Variants in TRPM5 observed in about 807,000 individuals in gnomAD.
TRPM5 encodes the protein transient receptor potential cation channel subfamily M member 5.
TRPM5 carries 121 observed loss-of-function variants against 124.9 expected under a neutral mutation model. That is an observed-to-expected ratio of 0.97 (90% CI 0.84 to 1.13). The LOEUF is 1.13. Ranked by LOEUF, TRPM5 falls within the 50% of genes most tolerant of loss-of-function variation. TRPM5 has a pLI of 0.00. For missense variants in TRPM5, 1,643 were observed against 1,589.1 expected (o/e 1.03, Z -0.58); for synonymous variants, 781 against 700.5 (o/e 1.11, Z -1.81).
intron 16 of TRPM5, 80 bp from the exon 22 acceptor site, chr11:2,411,847 G>A: frequency 1.9e-6 from 3 of 1,559,944 alleles, no homozygotes; most frequent in Non-Finnish European, 2.6e-6. Flanking sequence ...CATGCTGGCT[G>A]CGGGCAGGGC....
intron 13 of TRPM5, 61 bp downstream of exon 18, chr11:2,413,415 C>A: frequency 6.7e-7 from 1 of 1,491,446 alleles, no homozygotes; most frequent in South Asian, 1.2e-5. Context: ...AGGCCCTCCC[C>A]GTAGCTCCGG....
exon 18 of TRPM5, chr11:2,411,371 G>A (rs1850447509): frequency 1.2e-6 from 2 of 1,606,478 alleles, no homozygotes; most frequent in Non-Finnish European, 8.5e-7. Context: ...CGTCCAGTGG[G>A]ATCTGGCCGA....
the TRPM5 span, among the ~76,000 whole-genome samples, chr11:2,430,633 TGAG>T: frequency 6.6e-6 from 1 of 151,682 alleles, no homozygotes; most frequent in African/African-American, 2.4e-5. Context: ...GTGGCAGTGA[TGAG>T]GGTGGTGGCA....
chr11:2,406,643 C>G lies in TRPM5; in HGVS notation c.3251+18G>C. 6.3e-7 allele frequency: 1 copy of G among 1,590,742 alleles called. No individual in the cohort carries two copies. Among genetic ancestry groups the G allele is most frequent in the Non-Finnish European group, 8.6e-7 (1 of 1,169,342 alleles). On this transcript the variant is annotated intron_variant, in intron 21 of 23. Transcript: ENST00000155858. ...AGACAGCCCGATACCCACCAGTGAT[C>G]AGGACAGGCCCCCGCACCTGTGGGC... is the stretch of plus-strand genomic sequence containing the variant.
At chr11:2,434,730 G>T in the TRPM5 span, among the ~76,000 whole-genome samples, 30 of 152,144 alleles carry the variant, frequency 2.0e-4, no homozygotes, top group African/African-American at 7.0e-4. Flanking sequence ...CTGTGTGTGT[G>T]TGTCTGTGGT....
At chr11:2,417,226 C>T (rs1048741287) in intron 7 of TRPM5, among the ~76,000 whole-genome samples, 23 of 152,284 alleles carry the variant, frequency 1.5e-4, no homozygotes, top group East Asian at 1.4e-3. Context: ...CCGAGGCAGG[C>T]GGATCACGAG....
upstream of TRPM5, among the ~76,000 whole-genome samples, chr11:2,423,761 C>T (rs1815221528): frequency 6.6e-6 from 1 of 152,218 alleles, no homozygotes; most frequent in South Asian, 2.1e-4. Context: ...TGTCTCCCAG[C>T]TGCCCGGTGA....
At chr11:2,415,163 T>A in exon 9 of TRPM5, 1 of 1,580,746 alleles carries the variant, frequency 6.3e-7, no homozygotes, top group Admixed American at 1.8e-5. Context: ...GGTAGAAGCC[T>A]CGGCAGGCGT....
chr11:2,408,761 C>T (rs989071624), intron 18 of TRPM5, among the ~76,000 whole-genome samples: 1 of 152,218 alleles, frequency 6.6e-6, no homozygotes, highest in African/African-American at 2.4e-5. Context: ...GCTCAGGGTC[C>T]CAGCCAGAGG....
At chr11:2,414,634 C>T (rs755867956) in intron 11 of TRPM5, 81 bp downstream of exon 16, 297 of 1,437,794 alleles carry the variant, frequency 2.1e-4, no homozygotes, top group Non-Finnish European at 2.2e-4. Flanking sequence ...GCAGCCCTGG[C>T]GAGGCCCAGG....
chr11:2,433,316 CAG>C, the TRPM5 span, among the ~76,000 whole-genome samples: 1 of 152,378 alleles, frequency 6.6e-6, no homozygotes, highest in South Asian at 2.1e-4. Context: ...CTGCTCCCCG[CAG>C]AGGGTGCTTG....
At chr11:2,429,914 TG>T in the TRPM5 span, among the ~76,000 whole-genome samples, 3 of 152,068 alleles carry the variant, frequency 2.0e-5, no homozygotes, top group South Asian at 6.2e-4. The surrounding 1 kb of genome is among the most constrained non-coding windows in gnomAD (Gnocchi z 8.4). Context: ...TGAGATCTGA[TG>T]GTTTTATAAG....
intron 18 of TRPM5, among the ~76,000 whole-genome samples, chr11:2,410,920 G>A (rs891242415): frequency 4.6e-5 from 7 of 152,298 alleles, no homozygotes; most frequent in Non-Finnish European, 7.4e-5. Context: ...GCCAGGGGCT[G>A]TGAGGAGAGC....
chr11:2,406,040 G>A (rs551450658), exon 22 of TRPM5: 46 of 1,612,078 alleles, frequency 2.9e-5, no homozygotes, highest in Non-Finnish European at 3.9e-5. Flanking sequence ...GACACTTGAT[G>A]CGCTTTTCTT....
At chr11:2,443,403 C>G in the TRPM5 span, among the ~76,000 whole-genome samples, 43 of 152,348 alleles carry the variant, frequency 2.8e-4, no homozygotes, top group African/African-American at 1.0e-3. The surrounding 1 kb of genome is among the most constrained non-coding windows in gnomAD (Gnocchi z 5.0). Flanking sequence ...AGCTGACTGA[C>G]TGCCCCCATC....
chr11:2,412,200 C>G, exon 16 of TRPM5: 1 of 1,613,634 alleles, frequency 6.2e-7, no homozygotes, highest in South Asian at 1.1e-5. Flanking sequence ...AGTTGTCCCC[C>G]ACATACAGTG....
At chr11:2,415,375 A>T (rs769891440) in exon 9 of TRPM5, 1 of 1,589,894 alleles carries the variant, frequency 6.3e-7, no homozygotes, top group South Asian at 1.1e-5. Context: ...TACGTCAGGA[A>T]GTCGGCCACG....
the TRPM5 span, among the ~76,000 whole-genome samples, chr11:2,442,376 TACACACACACACACACACACACAC>T: frequency 0.021 from 3,012 of 141,256 alleles, 86 homozygotes; most frequent in African/African-American, 0.069. The surrounding 1 kb of genome is among the most constrained non-coding windows in gnomAD (Gnocchi z 5.9). Flanking sequence ...CATTCTTTGA[TACACACACACACACACACACACAC>T]ACACACACAC....
the TRPM5 span, among the ~76,000 whole-genome samples, chr11:2,439,511 C>G: frequency 6.6e-6 from 1 of 152,200 alleles, no homozygotes. Flanking sequence ...AAAAATTGCT[C>G]AAAGGAGATG....
Sources: gnomAD v4.1 joint callset for allele counts (sites outside exome capture counted in the v4.1 genomes callset) on GRCh38, gnomAD v4.1.1 for gene constraint, Gnocchi (gnomAD v3.1) non-coding constraint, MANE v1.5 for transcripts, NCBI Gene and HGNC (gene_info 2026-07-23, HGNC 2026-07-21) for gene names.